Variants in SUMF1 observed in about 807,000 individuals in gnomAD.
SUMF1 encodes formylglycine-generating enzyme.
In SUMF1, 48 loss-of-function variants were observed where a neutral mutation model predicts 47.6. That is an observed-to-expected ratio of 1.01 (90% CI 0.80 to 1.28). The LOEUF is 1.28. SUMF1 is among the 50% of genes most tolerant of loss of function. The pLI is 0.00. For synonymous variants in SUMF1, 230 were observed against 192.1 expected (o/e 1.20, Z -1.63); for missense variants, 571 against 485.4 (o/e 1.18, Z -1.66).
chr3:4,371,058 T>C (rs1295384535), intron 8 of SUMF1, among the ~76,000 whole-genome samples: 1 of 152,238 alleles, frequency 6.6e-6, no homozygotes, highest in Non-Finnish European at 1.5e-5. Context: ...AATGCACTCA[T>C]TCACTCAGCA....
chr3:4,212,698 A>C (rs1574983401), intron 8 of SUMF1, among the ~76,000 whole-genome samples: 1 of 152,242 alleles, frequency 6.6e-6, no homozygotes, highest in South Asian at 2.1e-4. Flanking sequence ...TAGAATAACC[A>C]GTTTACAGAA....
chr3:4,081,621 T>C (rs1427589221), intron 8 of SUMF1, among the ~76,000 whole-genome samples: 1 of 152,126 alleles, frequency 6.6e-6, no homozygotes, highest in Non-Finnish European at 1.5e-5. Context: ...CCTAATTAAT[T>C]TGACCATGGC....
intron 9 of SUMF1, among the ~76,000 whole-genome samples, chr3:4,037,935 T>G (rs987443302): frequency 6.6e-6 from 1 of 152,136 alleles, no homozygotes; most frequent in African/African-American, 2.4e-5. Flanking sequence ...ATTGAGGTAT[T>G]TTGGTATTGA....
chr3:4,367,124 C>A (rs1290296177), intron 8 of SUMF1, among the ~76,000 whole-genome samples: 1 of 151,808 alleles, frequency 6.6e-6, no homozygotes, highest in Non-Finnish European at 1.5e-5. Context: ...TCAGTCTGCC[C>A]CTACTGGGGG....
At chr3:4,362,363 T>C (rs992230971) in intron 8 of SUMF1, 109 bp from the exon 9 acceptor site, 16 of 853,448 alleles carry the variant, frequency 1.9e-5, no homozygotes, top group Non-Finnish European at 2.9e-5. Flanking sequence ...CCCACAACCC[T>C]GCCTGTATGG....
At chr3:4,070,396 G>A (rs952767501) in intron 8 of SUMF1, among the ~76,000 whole-genome samples, 2 of 152,100 alleles carry the variant, frequency 1.3e-5, no homozygotes, top group Non-Finnish European at 2.9e-5. Flanking sequence ...CGGAGTAAGA[G>A]GACAGCACCG....
rs184879150 is a variant in SUMF1 at position 4,453,110 on chromosome 3, G to A, written c.271-61C>T. On this transcript the variant is annotated intron_variant, in intron 1 of 8. Transcript: ENST00000272902. Reference sequence around the variant, plus strand: ...CACAGCCAAGGTGTACCTGTGTAGGGGTAAAGTTCCTAGCACCCAGGAAGC... The same window carrying A: ...CACAGCCAAGGTGTACCTGTGTAGGAGTAAAGTTCCTAGCACCCAGGAAGC... The A allele has an allele frequency of 5.8e-6, 9 of 1,543,574 alleles. No homozygotes were observed. In the African/African-American group the frequency reaches 9.5e-5, roughly 16 times the overall value.
intron 8 of SUMF1, among the ~76,000 whole-genome samples, chr3:4,283,051 G>A (rs1227896332): frequency 1.3e-5 from 2 of 152,166 alleles, no homozygotes; most frequent in African/African-American, 2.4e-5. Context: ...AGCTCAGACT[G>A]TGGACCTGAA....
At chr3:4,387,328 G>C (rs2124911021) in intron 7 of SUMF1, among the ~76,000 whole-genome samples, 1 of 151,954 alleles carries the variant, frequency 6.6e-6, no homozygotes, top group East Asian at 1.9e-4. Context: ...TGTGGTATTT[G>C]GAGTTTTTTG....
At chr3:4,287,045 T>C (rs1697646538) in intron 8 of SUMF1, among the ~76,000 whole-genome samples, 1 of 152,202 alleles carries the variant, frequency 6.6e-6, no homozygotes, top group Non-Finnish European at 1.5e-5. Flanking sequence ...CTTGTAACTG[T>C]CATTCTCTCA....
chr3:4,441,062 T>C (rs1702570908), intron 3 of SUMF1, among the ~76,000 whole-genome samples: 1 of 152,164 alleles, frequency 6.6e-6, no homozygotes, highest in Non-Finnish European at 1.5e-5. Context: ...GTCTGTGGCC[T>C]ATTGGGAACC....
chr3:4,457,998 G>A (rs1220345467), intron 1 of SUMF1, among the ~76,000 whole-genome samples: 1 of 152,184 alleles, frequency 6.6e-6, no homozygotes, highest in African/African-American at 2.4e-5. Flanking sequence ...CTTATATGGA[G>A]TTAATATTCA....
chr3:4,045,972 G>C (rs1467342276), intron 9 of SUMF1, among the ~76,000 whole-genome samples: 1 of 152,140 alleles, frequency 6.6e-6, no homozygotes, highest in African/African-American at 2.4e-5. Context: ...GATTGCTTGA[G>C]GCCAAGAGTC....
intron 7 of SUMF1, among the ~76,000 whole-genome samples, chr3:4,389,873 C>T (rs747572170): frequency 5.9e-5 from 9 of 152,232 alleles, no homozygotes; most frequent in South Asian, 2.1e-4. Context: ...GTTTCAAGTG[C>T]GATCATAGTT....
rs1466164485 is a variant in SUMF1 at position 4,211,189 on chromosome 3, CAT to C, written c.1015-142446_1015-142445del. Among the ~76,000 whole-genome samples the C allele has an allele frequency of 2.9e-3, 174 of 61,048 alleles. 1 individual carries two copies. Among genetic ancestry groups the C allele is most frequent in the Non-Finnish European group, 4.5e-3 (144 of 31,822 alleles). 40.0% of individuals were successfully genotyped at this position (61,048 alleles called of 152,430 possible). ...ATATACACACATATATATACATATA[CAT>C]ATACATACATACATATATATATATA... On this transcript the variant is annotated intron_variant and NMD_transcript_variant, in intron 8 of 12. Transcript: ENST00000448413.
chr3:4,445,542 T>C (rs1702751703), intron 3 of SUMF1, among the ~76,000 whole-genome samples: 1 of 152,098 alleles, frequency 6.6e-6, no homozygotes, highest in East Asian at 1.9e-4. Context: ...TCTCTCTCTC[T>C]CTCTCTTGCC....
At chr3:4,286,104 A>C (rs1215437782) in intron 8 of SUMF1, among the ~76,000 whole-genome samples, 3 of 152,124 alleles carry the variant, frequency 2.0e-5, no homozygotes, top group African/African-American at 7.2e-5. Context: ...CTTAAATTAT[A>C]TAGTTACCTC....
chr3:4,095,905 T>C (rs1391519697), intron 8 of SUMF1, among the ~76,000 whole-genome samples: 1 of 152,162 alleles, frequency 6.6e-6, no homozygotes, highest in African/African-American at 2.4e-5. Context: ...AAGGCCCAAC[T>C]CAGCCAATAC....
rs1698343674 is a variant in SUMF1, at chr3:4,310,050, A to G, written c.1014+66280T>C. Among the ~76,000 whole-genome samples, 3 of 152,198 alleles carry G rather than the reference A, an allele frequency of 2.0e-5. No homozygotes were observed. In the South Asian group the frequency reaches 6.2e-4, roughly 31 times the overall value. On this transcript the variant is annotated intron_variant and NMD_transcript_variant, in intron 8 of 12. Coordinates refer to the SUMF1 transcript ENST00000448413. ...TGCACAGAATGTTGCTACACTGAAT[A>G]CTGTAGATACTTGTAACGCAGTGGT...
Sources: allele counts gnomAD v4.1 joint callset (sites outside exome capture counted in the v4.1 genomes callset), GRCh38; gene constraint gnomAD v4.1.1; transcripts MANE v1.5; gene names NCBI Gene and HGNC (gene_info 2026-07-23, HGNC 2026-07-21).